BORCS5: variants seen among roughly 807,000 people sequenced by gnomAD.
The protein encoded by BORCS5 is BLOC-1-related complex subunit 5.
BORCS5 carries 17 observed loss-of-function variants against 22.1 expected under a neutral mutation model. The observed-to-expected ratio is 0.77, with a 90% CI of 0.53 to 1.15. BORCS5 has a LOEUF of 1.15. Ranked by LOEUF, BORCS5 falls within the 50% of genes most tolerant of loss-of-function variation. The pLI, the probability that BORCS5 is intolerant of heterozygous loss-of-function variation, is 0.00. For synonymous variants in BORCS5, 117 were observed against 99.8 expected, an observed-to-expected ratio of 1.17 and a Z score of -1.03; for missense variants, 247 against 253.2, an observed-to-expected ratio of 0.98 and a Z score of 0.17.
chr12:12,366,666 A>G (rs558784745), intron 2 of BORCS5, among the ~76,000 whole-genome samples: 1 of 152,332 alleles, frequency 6.6e-6, no homozygotes, highest in East Asian at 1.9e-4. Flanking sequence ...CCCTGTATAG[A>G]TTTCTTACTT....
intron 3 of BORCS5, among the ~76,000 whole-genome samples, chr12:12,447,392 G>A (rs796596105): frequency 2.6e-5 from 4 of 152,230 alleles, no homozygotes; most frequent in African/African-American, 9.6e-5. Flanking sequence ...CCTCCCTGGT[G>A]CACAGGAAGT....
intron 2 of BORCS5, among the ~76,000 whole-genome samples, chr12:12,417,250 G>A (rs754113460): frequency 1.4e-4 from 21 of 151,966 alleles, no homozygotes; most frequent in Admixed American, 2.6e-4. Flanking sequence ...GTTCTTTACC[G>A]TCCACAAATT....
At chr12:12,422,003 C>G (rs2136105836) in intron 2 of BORCS5, among the ~76,000 whole-genome samples, 1 of 152,214 alleles carries the variant, frequency 6.6e-6, no homozygotes, top group African/African-American at 2.4e-5. Context: ...AAAAAACCAG[C>G]TCCTGGACTC....
At chr12:12,364,030 A>G (rs1863352183) in intron 2 of BORCS5, among the ~76,000 whole-genome samples, 1 of 152,222 alleles carries the variant, frequency 6.6e-6, no homozygotes, top group African/African-American at 2.4e-5. Context: ...ATGTTATTAT[A>G]TACTATATTA....
At chr12:12,415,037 C>T (rs1027561741) in intron 2 of BORCS5, among the ~76,000 whole-genome samples, 15 of 143,318 alleles carry the variant, frequency 1.0e-4, no homozygotes, top group African/African-American at 2.8e-4. Flanking sequence ...GGATGGCGGC[C>T]GGGCGGAGAC....
intron 2 of BORCS5, among the ~76,000 whole-genome samples, chr12:12,433,061 C>A (rs1411086591): frequency 6.6e-6 from 1 of 152,038 alleles, no homozygotes; most frequent in Non-Finnish European, 1.5e-5. Context: ...GGGCTGGGCA[C>A]AGTGGCTCAT....
intron 2 of BORCS5, among the ~76,000 whole-genome samples, chr12:12,366,033 C>G (rs1323522852): frequency 6.6e-6 from 1 of 151,910 alleles, no homozygotes; most frequent in African/African-American, 2.4e-5. Context: ...ATTAAAAGCC[C>G]TACCCTCTGC....
At chr12:12,380,957 T>C (rs937432969) in intron 2 of BORCS5, among the ~76,000 whole-genome samples, 1 of 151,090 alleles carries the variant, frequency 6.6e-6, no homozygotes, top group African/African-American at 2.4e-5. Flanking sequence ...TAATCAGATA[T>C]ATGATTTGCA....
intron 2 of BORCS5, among the ~76,000 whole-genome samples, chr12:12,414,223 C>T (rs1941842954): frequency 1.2e-5 from 1 of 85,940 alleles, no homozygotes; most frequent in Non-Finnish European, 2.5e-5. Context: ...CCCCCCACCT[C>T]CCTCCCGGAC....
At chr12:12,465,028 G>A (rs1943173327) in intron 3 of BORCS5, among the ~76,000 whole-genome samples, 1 of 152,168 alleles carries the variant, frequency 6.6e-6, no homozygotes, top group Non-Finnish European at 1.5e-5. Flanking sequence ...CTGGAGTGCA[G>A]TGGCATGATC....
chr12:12,361,252 G>C lies in BORCS5; in HGVS notation c.105G>C (p.Val35=), dbSNP rs765440523. ...AKHRAKMDDI[V]VVAQGSQASR... ...ATAGAGCCAAGATGGATGATATTGT[G>C]GTTGTAGCTCAGGGCTCCCAGGCCT... The change falls in exon 2 of 4, where the codon GTG becomes GTC. Residue 35 remains valine (V), a synonymous_variant. Transcript: ENST00000314565. The C allele has an allele frequency of 1.2e-6, 2 of 1,614,158 alleles. No individual in the cohort carries two copies. The highest frequency in any genetic ancestry group is 2.2e-5 in the South Asian group (2 of 91,088).
chr12:12,465,237 T>A (rs1167401664), intron 3 of BORCS5, among the ~76,000 whole-genome samples: 1 of 152,192 alleles, frequency 6.6e-6, no homozygotes, highest in South Asian at 2.1e-4. Flanking sequence ...CCTGACTGAT[T>A]TCCACATCCA....
chr12:12,414,121 A>C (rs1157414977), intron 2 of BORCS5, among the ~76,000 whole-genome samples: 32 of 43,938 alleles, frequency 7.3e-4, no homozygotes, highest in Admixed American at 9.3e-4. Flanking sequence ...GACCCCCCCC[A>C]CCTCCCTCCT....
intron 2 of BORCS5, among the ~76,000 whole-genome samples, chr12:12,424,286 C>A (rs1421575770): frequency 6.6e-6 from 1 of 152,136 alleles, no homozygotes; most frequent in Non-Finnish European, 1.5e-5. Flanking sequence ...ACTCATTATT[C>A]ACTCATTCTT....
At chr12:12,442,128 G>A (rs1047946430) in intron 3 of BORCS5, among the ~76,000 whole-genome samples, 3 of 152,182 alleles carry the variant, frequency 2.0e-5, no homozygotes, top group African/African-American at 4.8e-5. Flanking sequence ...TGGCAAATAC[G>A]CAGCCCCAGG....
At chr12:12,440,605 GAA>G (rs11388720) in intron 3 of BORCS5, among the ~76,000 whole-genome samples, 10 of 139,928 alleles carry the variant, frequency 7.1e-5, no homozygotes, top group African/African-American at 2.4e-4. Context: ...CTAGGTCTTT[GAA>G]AAAAAAAAAA....
At chr12:12,368,065 A>T (rs953265334) in intron 2 of BORCS5, among the ~76,000 whole-genome samples, 2 of 152,088 alleles carry the variant, frequency 1.3e-5, no homozygotes, top group African/African-American at 4.8e-5. Context: ...TACCTCTGCC[A>T]TTTGGGAAGT....
At chr12:12,395,435 ATTTTTTTTT>A (rs59277387) in intron 2 of BORCS5, among the ~76,000 whole-genome samples, 5 of 107,856 alleles carry the variant, frequency 4.6e-5, no homozygotes, top group African/African-American at 1.2e-4. Flanking sequence ...CACCCAGCTA[ATTTTTTTTT>A]TTTTTTTTTT....
chr12:12,379,579 C>T (rs535762428), intron 2 of BORCS5, among the ~76,000 whole-genome samples: 10 of 151,568 alleles, frequency 6.6e-5, no homozygotes, highest in East Asian at 3.9e-4. Flanking sequence ...ATCTCCTACC[C>T]GACAGAGCTT....
Sources: allele counts gnomAD v4.1 joint callset (sites outside exome capture counted in the v4.1 genomes callset), GRCh38; gene constraint gnomAD v4.1.1; transcripts MANE v1.5; gene names NCBI Gene and HGNC (gene_info 2026-07-23, HGNC 2026-07-21).